The following PDE4B variants were observed in gnomAD, a reference collection of about 807,000 sequenced individuals.
PDE4B encodes phosphodiesterase 4B.
A neutral mutation model predicts 82.2 loss-of-function variants in PDE4B; 20 were observed. That is an observed-to-expected ratio of 0.24 (90% CI 0.17 to 0.35). The LOEUF is 0.35. Among genes scored for constraint, PDE4B ranks in the 10% least tolerant of loss-of-function variants. The pLI is 1.00. For synonymous variants in PDE4B, 320 were observed against 318.9 expected, an observed-to-expected ratio of 1.00 and a Z score of -0.04; for missense variants, 655 against 907.2, an observed-to-expected ratio of 0.72 and a Z score of 3.57.
chr1:66,280,931 G>A (rs1239865625), intron 7 of PDE4B, among the ~76,000 whole-genome samples: 1 of 152,138 alleles, frequency 6.6e-6, no homozygotes, highest in Non-Finnish European at 1.5e-5. Context: ...AGAGTGACTG[G>A]CACAGCAGAC....
intron 3 of PDE4B, among the ~76,000 whole-genome samples, chr1:66,023,865 G>A (rs1362269662): frequency 6.7e-6 from 1 of 148,998 alleles, no homozygotes; most frequent in Non-Finnish European, 1.5e-5. Context: ...CTTGATTTCA[G>A]TTATTATTTT....
intron 7 of PDE4B, among the ~76,000 whole-genome samples, chr1:66,275,041 T>G (rs1027573841): frequency 5.9e-5 from 9 of 152,158 alleles, no homozygotes; most frequent in Non-Finnish European, 1.2e-4. Context: ...ATGGGAAAGC[T>G]GAAAAGTCAG....
intron 1 of PDE4B, among the ~76,000 whole-genome samples, chr1:65,902,651 A>G (rs1646984397): frequency 6.6e-6 from 1 of 152,210 alleles, no homozygotes; most frequent in Non-Finnish European, 1.5e-5. Flanking sequence ...CCTTGAGGAC[A>G]GAAGTCATAC....
At chr1:66,067,398 G>T (rs556977758) in intron 3 of PDE4B, among the ~76,000 whole-genome samples, 1 of 152,204 alleles carries the variant, frequency 6.6e-6, no homozygotes, top group Admixed American at 6.6e-5. Context: ...GTGTGAGATG[G>T]TATCTCATTG....
At chr1:66,276,595 A>G (rs1219473361) in intron 7 of PDE4B, among the ~76,000 whole-genome samples, 1 of 152,228 alleles carries the variant, frequency 6.6e-6, no homozygotes, top group East Asian at 1.9e-4. Context: ...GTAGTAAGCA[A>G]AGGTGTAAGT....
chr1:65,883,146 T>C (rs1646728860), intron 1 of PDE4B, among the ~76,000 whole-genome samples: 1 of 152,194 alleles, frequency 6.6e-6, no homozygotes. Context: ...CGGGCTCTTT[T>C]TTGGTTCCAT....
rs998848662 is a variant in PDE4B at position 65,793,071 on chromosome 1, C to A, written c.-248C>A. The A allele has an allele frequency of 6.6e-6, 1 of 151,916 alleles. No homozygotes were observed. Among genetic ancestry groups the A allele is most frequent in the Non-Finnish European group, 1.5e-5 (1 of 67,996 alleles). 9.4% of individuals were successfully genotyped at this position (151,916 alleles called of 1,614,324 possible). ...GCTCTTCGTCGCGGGCCGGGCTGCA[C>A]GCGAGCGCCCTCCGGGCAGACTTTC... On this transcript the variant is annotated 5_prime_UTR_variant, in exon 1 of 17. Transcript: ENST00000341517.
intron 3 of PDE4B, among the ~76,000 whole-genome samples, chr1:66,007,103 G>C (rs1652193392): frequency 6.6e-6 from 1 of 152,122 alleles, no homozygotes; most frequent in African/African-American, 2.4e-5. Flanking sequence ...CTGCACTCTA[G>C]CTTGGGCAAC....
intron 3 of PDE4B, among the ~76,000 whole-genome samples, chr1:66,111,782 T>G (rs1384003226): frequency 6.6e-6 from 1 of 152,114 alleles, no homozygotes; most frequent in Non-Finnish European, 1.5e-5. Flanking sequence ...TGGCCTGATT[T>G]GTAGTTGATT....
intron 1 of PDE4B, among the ~76,000 whole-genome samples, chr1:65,903,131 T>C (rs1270675865): frequency 6.6e-6 from 1 of 152,214 alleles, no homozygotes; most frequent in Non-Finnish European, 1.5e-5. Context: ...GTAGTGGTTT[T>C]CAAGCTTTTC....
intron 1 of PDE4B, among the ~76,000 whole-genome samples, chr1:65,840,827 T>C (rs1343229161): frequency 6.6e-6 from 1 of 152,164 alleles, no homozygotes; most frequent in Non-Finnish European, 1.5e-5. Flanking sequence ...GCAGTCAATA[T>C]CCCCTTGTCG....
intron 1 of PDE4B, among the ~76,000 whole-genome samples, chr1:65,832,511 TTGTGGCATCCAGTGAACCAC>T (rs1646094579): frequency 6.6e-6 from 1 of 152,192 alleles, no homozygotes; most frequent in African/African-American, 2.4e-5. Flanking sequence ...CTGAGAGTTT[TTGTGGCATCCAGTGAACCAC>T]TGTGGCATTC....
At chr1:66,122,587 A>G (rs748685703) in intron 3 of PDE4B, among the ~76,000 whole-genome samples, 1 of 152,248 alleles carries the variant, frequency 6.6e-6, no homozygotes. Context: ...GACTATGGCC[A>G]TATTGTAGAT....
intron 3 of PDE4B, among the ~76,000 whole-genome samples, chr1:66,170,212 A>C (rs1646812980): frequency 6.6e-6 from 1 of 152,178 alleles, no homozygotes; most frequent in African/African-American, 2.4e-5. Context: ...ATGAACATCA[A>C]ATTTTATCTG....
chr1:66,149,455 TGTG>T (rs536907814), intron 3 of PDE4B, among the ~76,000 whole-genome samples: 349 of 152,376 alleles, frequency 2.3e-3, no homozygotes, highest in Admixed American at 5.6e-3. Context: ...TTAATTTTGA[TGTG>T]GTCAAATTTG....
At chr1:65,836,756 G>T (rs371055571) in intron 1 of PDE4B, among the ~76,000 whole-genome samples, 85 of 151,458 alleles carry the variant, frequency 5.6e-4, no homozygotes, top group African/African-American at 2.0e-3. Context: ...AAAGATTATT[G>T]TTCTCTTACT....
At chr1:66,320,881 T>C (rs1221539881) in intron 7 of PDE4B, among the ~76,000 whole-genome samples, 2 of 152,214 alleles carry the variant, frequency 1.3e-5, no homozygotes, top group Admixed American at 1.3e-4. Flanking sequence ...GACACTAGGC[T>C]GCATCCTAAA....
At chr1:65,871,884 A>C (rs1412073424) in intron 1 of PDE4B, among the ~76,000 whole-genome samples, 3 of 152,204 alleles carry the variant, frequency 2.0e-5, no homozygotes, top group African/African-American at 7.2e-5. Context: ...CTAAGCTTTG[A>C]ATATGATTTT....
At chr1:66,279,278 C>T (rs1168687257) in intron 7 of PDE4B, among the ~76,000 whole-genome samples, 1 of 152,060 alleles carries the variant, frequency 6.6e-6, no homozygotes, top group Non-Finnish European at 1.5e-5. Context: ...TGTGTGCACT[C>T]CTTAAGCTAA....
Sources: allele counts gnomAD v4.1 joint callset (sites outside exome capture counted in the v4.1 genomes callset), GRCh38; gene constraint gnomAD v4.1.1; transcripts MANE v1.5; gene names NCBI Gene and HGNC (gene_info 2026-07-23, HGNC 2026-07-21).